Variants in HYDIN observed in about 807,000 individuals in gnomAD.
HYDIN encodes the protein axonemal central pair apparatus protein HYDIN.
Under a neutral mutation model 403.9 loss-of-function variants are expected in HYDIN, and 132 were observed. The ratio of observed to expected loss-of-function variants is 0.33; its 90% CI spans 0.28 to 0.38. The LOEUF is 0.38. HYDIN is among the 10% of genes least tolerant of loss of function. The pLI is 1.00. For synonymous variants in HYDIN, 1,202 were observed against 1,891.7 expected (o/e 0.64, Z 9.46); for missense variants, 2,827 against 5,009.5 (o/e 0.56, Z 13.15).
In HYDIN at chr16:70,882,662, T is replaced by A. The variant is rs1294866547; in HGVS notation, c.10213A>T (p.Lys3405Ter). 6.6e-7 allele frequency: 1 copy of A among 1,518,736 alleles called. No individual in the cohort carries two copies. Among genetic ancestry groups the A allele is most frequent in the African/African-American group, 1.4e-5 (1 of 72,968 alleles). 94.1% of individuals were successfully genotyped at this position (1,518,736 alleles called of 1,614,324 possible). Residue 3405 changes from lysine (K) to a stop codon, truncating the protein, a stop_gained and splice_region_variant, in exon 60 of 86, where the codon AAG becomes TAG. Coordinates refer to ENST00000393567, the MANE Select transcript of HYDIN (RefSeq NM_001270974.2). LOFTEE classifies it high-confidence loss of function. ...AGGGGCCATTGGGAGCGTCTTACCT[T>A]ATTGGAGATAGGCCTGACTACAATG... The part of the protein sequence containing the change: ...VNIVVRPISN[K>*]PFARIVDIFE...
In HYDIN at chr16:70,889,719, A is replaced by G; in HGVS notation, c.9657-15T>C. 1.6e-6 allele frequency: 1 copy of G among 638,782 alleles called. No individual in the cohort carries two copies. The highest frequency in any genetic ancestry group is 2.8e-6 in the Non-Finnish European group (1 of 355,102). The allele number at this position is 638,782 out of a possible 1,614,324, so 39.6% of individuals were successfully genotyped here. ...CGTGGCTGGCTCTGATTAAAGAAGC[A>G]AGAGTATACCCTTAGATTGTGGGGT... On this transcript the variant is annotated splice_polypyrimidine_tract_variant and intron_variant, in intron 57 of 85. Coordinates refer to ENST00000393567, the MANE Select transcript of HYDIN (RefSeq NM_001270974.2).
At chr16:70,923,234 G>A (rs371371922) in intron 45 of HYDIN, among the ~76,000 whole-genome samples, 1 of 126,616 alleles carries the variant, frequency 7.9e-6, no homozygotes, top group Admixed American at 7.9e-5. Context: ...TTGGGAGGCC[G>A]AGGTGGGCAG....
At position 71,098,424 on chromosome 16, in the gene HYDIN, G is replaced by A. The variant is rs527334189; in HGVS notation, c.1328-4489C>T. Among the ~76,000 whole-genome samples, 622 of 151,572 alleles carry A rather than the reference G, an allele frequency of 4.1e-3. 3 individuals carry two copies. The highest frequency in any genetic ancestry group is 6.2e-3 in the Non-Finnish European group (422 of 67,870). On this transcript the variant is annotated intron_variant, in intron 10 of 85. Transcript: ENST00000393567. ...TCACCGTGTTAGCCAGGATGGTCTC[G>A]ATCTCCCAACCTCAAGATCCGCCCG...
At chr16:70,965,413 T>TA (rs1174346369) in intron 36 of HYDIN, among the ~76,000 whole-genome samples, 1 of 151,524 alleles carries the variant, frequency 6.6e-6, no homozygotes, top group Non-Finnish European at 1.5e-5. Context: ...GATGCCTAGT[T>TA]AAATTTGAGT....
intron 1 of HYDIN, among the ~76,000 whole-genome samples, chr16:71,205,997 T>C (rs2088277933): frequency 6.6e-6 from 1 of 152,170 alleles, no homozygotes; most frequent in African/African-American, 2.4e-5. Context: ...CCTGCAGCCC[T>C]ATGTCTCCCT....
chr16:71,002,672 G>C (rs913519009), intron 23 of HYDIN, among the ~76,000 whole-genome samples: 5 of 148,562 alleles, frequency 3.4e-5, no homozygotes, highest in Non-Finnish European at 5.9e-5. Flanking sequence ...TAACCCATTT[G>C]GAATTAATTT....
intron 18 of HYDIN, among the ~76,000 whole-genome samples, chr16:71,059,221 G>A (rs1452666245): frequency 2.0e-5 from 3 of 152,058 alleles, no homozygotes; most frequent in South Asian, 2.1e-4. Context: ...ATCTTTGCTA[G>A]GGTCCATGTG....
At chr16:70,942,590 A>T (rs2077716331) in intron 42 of HYDIN, among the ~76,000 whole-genome samples, 1 of 152,286 alleles carries the variant, frequency 6.6e-6, no homozygotes, top group Non-Finnish European at 1.5e-5. Context: ...ACTCAGTGTT[A>T]CTCAAAGTGT....
intron 10 of HYDIN, among the ~76,000 whole-genome samples, chr16:71,098,346 C>T (rs577752148): frequency 1.6e-4 from 24 of 151,706 alleles, no homozygotes; most frequent in Admixed American, 4.6e-4. Flanking sequence ...GGACTACAGA[C>T]GCCCGCCACC....
At chr16:70,934,286 G>A (rs545904713) in intron 45 of HYDIN, among the ~76,000 whole-genome samples, 123 of 152,186 alleles carry the variant, frequency 8.1e-4, no homozygotes, top group African/African-American at 2.8e-3. Flanking sequence ...ATGAAGGGAA[G>A]GAGAGAAATG....
chr16:71,038,681 G>A (rs2081181828), intron 18 of HYDIN, among the ~76,000 whole-genome samples: 1 of 152,298 alleles, frequency 6.6e-6, no homozygotes, highest in South Asian at 2.1e-4. Context: ...TTTCTTTTGA[G>A]AAGAAGTCTC....
chr16:71,168,791 A>G (rs1454496280), intron 5 of HYDIN, among the ~76,000 whole-genome samples: 1 of 152,178 alleles, frequency 6.6e-6, no homozygotes, highest in Non-Finnish European at 1.5e-5. Context: ...AGTCCTACTC[A>G]CATCTCATTG....
rs746776577 is a variant in HYDIN, at chr16:70,879,330, G to C, written c.10524C>G (p.Leu3508=). ...GGAGGACACCATTGTTCTTGAGGAT[G>C]AGAGGCAGCTTCTCTGAATGACCAA... ...LLLGHSEKLP[L]ILKNNGVLPA... is the part of the protein sequence containing the mutation. The change falls in exon 62 of 86, where the codon CTC becomes CTG. Residue 3508 remains leucine (L), a synonymous_variant. Coordinates refer to ENST00000393567, the MANE Select transcript of HYDIN (RefSeq NM_001270974.2). 14 of 1,453,458 alleles carry C rather than the reference G, an allele frequency of 9.6e-6. No homozygotes were observed. The highest frequency in any genetic ancestry group is 1.2e-5 in the Non-Finnish European group (13 of 1,052,684). The allele number at this position is 1,453,458 out of a possible 1,614,324, so 90.0% of individuals were successfully genotyped here. A position where few individuals can be genotyped will look rare whatever the true frequency, so the allele number is the denominator to read the frequency against.
intron 1 of HYDIN, among the ~76,000 whole-genome samples, chr16:71,218,005 C>T (rs1013737824): frequency 1.2e-4 from 19 of 152,026 alleles, no homozygotes; most frequent in African/African-American, 1.9e-4. Context: ...TTCCCTAGAA[C>T]GCAAAGTAAA....
intron 52 of HYDIN, among the ~76,000 whole-genome samples, chr16:70,901,426 C>G (rs1267573251): frequency 6.6e-6 from 1 of 151,196 alleles, no homozygotes; most frequent in African/African-American, 2.4e-5. Flanking sequence ...ACCCTCCACC[C>G]GCAAGCATCC....
chr16:71,161,702 A>C (rs1343403426), intron 6 of HYDIN, among the ~76,000 whole-genome samples: 2 of 151,566 alleles, frequency 1.3e-5, no homozygotes, highest in Non-Finnish European at 2.9e-5. Context: ...TTATCTCCCA[A>C]TTTTAACATT....
intron 10 of HYDIN, among the ~76,000 whole-genome samples, chr16:71,108,073 A>G (rs2144432158): frequency 6.6e-6 from 1 of 152,324 alleles, no homozygotes; most frequent in East Asian, 1.9e-4. Context: ...AGAAACAGAA[A>G]AACAAAATAC....
At chr16:70,898,766 C>T (rs3950967) in intron 53 of HYDIN, among the ~76,000 whole-genome samples, 1 of 149,468 alleles carries the variant, frequency 6.7e-6, no homozygotes, top group Non-Finnish European at 1.5e-5. Context: ...TTTTTTGAGA[C>T]AGAGTCTTGC....
rs951175089 is a variant in HYDIN, at chr16:71,020,436, G to A, written c.3187-119C>T. On this transcript the variant is annotated intron_variant, in intron 21 of 85. Transcript: ENST00000393567. ...TAGCAATCTTTCTTTTTCTTTGTGT[G>A]TGTGTGTGTGTGTATATATATATAT... The A allele has an allele frequency of 7.5e-6, 10 of 1,337,266 alleles. No individual in the cohort carries two copies. The African/African-American group carries it at 1.3e-4, about 18-fold the overall frequency. 82.8% of individuals were successfully genotyped at this position (1,337,266 alleles called of 1,614,324 possible).
Sources: gnomAD v4.1 joint callset for allele counts (sites outside exome capture counted in the v4.1 genomes callset) on GRCh38, gnomAD v4.1.1 for gene constraint, MANE v1.5 for transcripts, NCBI Gene and HGNC (gene_info 2026-07-23, HGNC 2026-07-21) for gene names.